The following GRIP1 variants were observed in gnomAD, a reference collection of about 807,000 sequenced individuals.
The protein encoded by GRIP1 is glutamate receptor-interacting protein 1.
In GRIP1, 45 loss-of-function variants were observed where a neutral mutation model predicts 129.9. The observed-to-expected ratio is 0.35, with a 90% CI of 0.27 to 0.44. The LOEUF (loss-of-function observed/expected upper bound fraction) is 0.44. Ranked by LOEUF, GRIP1 falls within the 20% of genes least tolerant of loss-of-function variation. GRIP1 has a pLI of 1.00. For synonymous variants in GRIP1, 530 were observed against 520.8 expected (o/e 1.02, Z -0.24); for missense variants, 1,196 against 1,396.8 (o/e 0.86, Z 2.29).
chr12:66,377,614 T>C (rs185483960), intron 20 of GRIP1, among the ~76,000 whole-genome samples: 84 of 148,974 alleles, frequency 5.6e-4, no homozygotes, highest in African/African-American at 1.9e-3. Flanking sequence ...GCTAGGATTG[T>C]AGGCGTGAGC....
intron 1 of GRIP1, among the ~76,000 whole-genome samples, chr12:66,645,764 T>C (rs1325924839): frequency 6.6e-6 from 1 of 152,240 alleles, no homozygotes; most frequent in Non-Finnish European, 1.5e-5. Flanking sequence ...ATCAGCTTTC[T>C]ATAGATAATT....
At chr12:66,413,564 G>A (rs2057476008) in intron 15 of GRIP1, among the ~76,000 whole-genome samples, 1 of 152,154 alleles carries the variant, frequency 6.6e-6, no homozygotes, top group Non-Finnish European at 1.5e-5. Context: ...CCAAACAATT[G>A]AAAAGGTGGG....
At chr12:66,990,194 T>C (rs7303407) in intron 1 of GRIP1, among the ~76,000 whole-genome samples, 86,173 of 152,066 alleles carry the variant, frequency 0.57, 25,098 homozygotes, top group Non-Finnish European at 0.62. Flanking sequence ...GCACTCACTA[T>C]ACGCATAGCT....
chr12:66,654,835 T>A (rs2033042198), intron 1 of GRIP1, among the ~76,000 whole-genome samples: 1 of 152,028 alleles, frequency 6.6e-6, no homozygotes, highest in Admixed American at 6.6e-5. Context: ...CCACTGGGGA[T>A]AAACAAGAGG....
intron 1 of GRIP1, among the ~76,000 whole-genome samples, chr12:67,040,786 TGTCATG>T (rs1222999952): frequency 5.9e-5 from 9 of 152,224 alleles, no homozygotes; most frequent in Non-Finnish European, 1.0e-4. Flanking sequence ...GGTTGGTTAC[TGTCATG>T]GTTAGCTCTG....
At chr12:66,416,681 T>A (rs2057616678) in intron 15 of GRIP1, among the ~76,000 whole-genome samples, 1 of 152,112 alleles carries the variant, frequency 6.6e-6, no homozygotes, top group African/African-American at 2.4e-5. Flanking sequence ...ATTCCTAGAC[T>A]CATACAATGT....
intron 7 of GRIP1, among the ~76,000 whole-genome samples, chr12:66,473,253 G>A (rs576449352): frequency 6.6e-6 from 1 of 152,346 alleles, no homozygotes; most frequent in African/African-American, 2.4e-5. Context: ...CGGCAAAGCT[G>A]CTGTGGCCAG....
chr12:66,720,455 C>A (rs538174141), intron 1 of GRIP1, among the ~76,000 whole-genome samples: 2 of 152,014 alleles, frequency 1.3e-5, no homozygotes, highest in Admixed American at 6.5e-5. Context: ...AAGTTGGCTG[C>A]GTCAATTGAT....
chr12:66,847,996 A>G (rs2039848379), intron 1 of GRIP1, among the ~76,000 whole-genome samples: 1 of 152,180 alleles, frequency 6.6e-6, no homozygotes, highest in African/African-American at 2.4e-5. Context: ...TCTCTCATTA[A>G]CTTGAACATT....
intron 1 of GRIP1, among the ~76,000 whole-genome samples, chr12:67,054,555 G>C (rs1422765329): frequency 2.6e-5 from 4 of 152,134 alleles, no homozygotes; most frequent in Non-Finnish European, 5.9e-5. Context: ...TCTCAGGCCA[G>C]CAGTTCAAGA....
intron 7 of GRIP1, among the ~76,000 whole-genome samples, chr12:66,493,940 C>T (rs2060170981): frequency 6.6e-6 from 1 of 152,178 alleles, no homozygotes; most frequent in African/African-American, 2.4e-5. Flanking sequence ...TATGAAAAAT[C>T]TGGGCTGCAG....
intron 1 of GRIP1, among the ~76,000 whole-genome samples, chr12:67,028,031 T>C (rs1023011822): frequency 2.0e-5 from 3 of 152,176 alleles, no homozygotes; most frequent in Non-Finnish European, 1.5e-5. Context: ...CAGCTGACCC[T>C]CAATCCACCC....
chr12:66,950,284 G>A (rs915711819), intron 1 of GRIP1, among the ~76,000 whole-genome samples: 1 of 152,146 alleles, frequency 6.6e-6, no homozygotes, highest in East Asian at 1.9e-4. Flanking sequence ...CAAAATGCTA[G>A]CTAGTGTACA....
intron 1 of GRIP1, among the ~76,000 whole-genome samples, chr12:66,921,196 C>T (rs1248014466): frequency 6.6e-6 from 1 of 152,176 alleles, no homozygotes; most frequent in Non-Finnish European, 1.5e-5. Flanking sequence ...AAAGAAAATG[C>T]TATGATAGCC....
chr12:66,589,200 C>G (rs1400829624), intron 2 of GRIP1, among the ~76,000 whole-genome samples: 3 of 137,686 alleles, frequency 2.2e-5, no homozygotes, highest in Non-Finnish European at 3.1e-5. Flanking sequence ...CACCTTCTCT[C>G]TCTCTCTCTC....
chr12:67,060,144 G>C (rs2043507479), intron 1 of GRIP1, among the ~76,000 whole-genome samples: 1 of 152,190 alleles, frequency 6.6e-6, no homozygotes, highest in African/African-American at 2.4e-5. Flanking sequence ...ACTGGGTTTT[G>C]TATTTAAGAT....
intron 1 of GRIP1, among the ~76,000 whole-genome samples, chr12:66,606,137 G>A (rs1215975708): frequency 6.6e-6 from 1 of 152,032 alleles, no homozygotes; most frequent in Non-Finnish European, 1.5e-5. Context: ...ATAAGCCAAG[G>A]GAAACCAAGA....
intron 1 of GRIP1, among the ~76,000 whole-genome samples, chr12:66,699,562 C>T (rs1435888109): frequency 2.0e-5 from 3 of 152,146 alleles, no homozygotes; most frequent in East Asian, 3.9e-4. Context: ...GCTCCTCATT[C>T]GCCTTCCACC....
intron 13 of GRIP1, among the ~76,000 whole-genome samples, chr12:66,439,164 C>T (rs545967271): frequency 1.1e-4 from 16 of 152,160 alleles, no homozygotes; most frequent in Non-Finnish European, 2.1e-4. Flanking sequence ...CTAGTTCTTA[C>T]TCCCCTCCTA....
Sources: allele counts gnomAD v4.1 joint callset (sites outside exome capture counted in the v4.1 genomes callset), GRCh38; gene constraint gnomAD v4.1.1; transcripts MANE v1.5; gene names NCBI Gene and HGNC (gene_info 2026-07-23, HGNC 2026-07-21).